Variants in CTCF observed in about 807,000 individuals in gnomAD.
CTCF encodes transcriptional repressor CTCF.
A neutral mutation model predicts 72.3 loss-of-function variants in CTCF; 7 were observed. The ratio of observed to expected loss-of-function variants is 0.10; its 90% CI spans 0.06 to 0.18. The LOEUF (loss-of-function observed/expected upper bound fraction) is 0.18, where lower values mean the gene tolerates loss of function less well. Among genes scored for constraint, CTCF ranks in the 10% least tolerant of loss-of-function variants. The pLI is 1.00. For missense variants in CTCF, 516 were observed against 949.1 expected (o/e 0.54, Z 6.00); for synonymous variants, 374 against 315.8 (o/e 1.18, Z -1.95).
chr16:67,604,782 T>G (rs1367907094), intron 2 of CTCF, among the ~76,000 whole-genome samples: 1 of 150,696 alleles, frequency 6.6e-6, no homozygotes, highest in African/African-American at 2.4e-5. Flanking sequence ...AATATGAATT[T>G]TTTTTACTTA....
chr16:67,586,418 T>C (rs570274201), intron 2 of CTCF, among the ~76,000 whole-genome samples: 85 of 151,938 alleles, frequency 5.6e-4, no homozygotes, highest in African/African-American at 2.0e-3. Flanking sequence ...GCGCCTGTAA[T>C]CCCAGCTACT....
intron 2 of CTCF, among the ~76,000 whole-genome samples, chr16:67,602,022 A>G (rs1185445852): frequency 9.9e-5 from 15 of 151,228 alleles, no homozygotes; most frequent in Admixed American, 9.9e-4. Context: ...TGCCACCACA[A>G]CTGGCTAATT....
intron 2 of CTCF, among the ~76,000 whole-genome samples, chr16:67,609,789 A>AT (rs1211208353): frequency 2.0e-5 from 3 of 151,608 alleles, no homozygotes; most frequent in Non-Finnish European, 2.9e-5. Context: ...CGCCCGGCTA[A>AT]TTTTTTTGTA....
chr16:67,635,425 C>G (rs2052416711), intron 10 of CTCF: 1 of 152,188 alleles, frequency 6.6e-6, no homozygotes, highest in South Asian at 2.1e-4. Context: ...CTTGCCCTCC[C>G]AAAGTGCTGG....
chr16:67,596,654 G>A (rs941382738), intron 2 of CTCF, among the ~76,000 whole-genome samples: 6 of 151,744 alleles, frequency 4.0e-5, no homozygotes, highest in Non-Finnish European at 7.4e-5. Flanking sequence ...GCACGATCTC[G>A]GCTCACTGCA....
chr16:67,610,672 C>T, intron 2 of CTCF, 152 bp from the exon 3 acceptor site: 1 of 467,026 alleles, frequency 2.1e-6, no homozygotes, highest in East Asian at 3.7e-5. Flanking sequence ...TTGTTTCTTT[C>T]ATCAAGAGGC....
chr16:67,619,652 C>T (rs1258717695), intron 5 of CTCF, among the ~76,000 whole-genome samples: 7 of 152,140 alleles, frequency 4.6e-5, no homozygotes, highest in African/African-American at 4.8e-5. Flanking sequence ...GTGATCATGG[C>T]TCACTGTAGC....
intron 10 of CTCF, among the ~76,000 whole-genome samples, chr16:67,631,999 C>T (rs368944726): frequency 6.7e-6 from 1 of 148,932 alleles, no homozygotes; most frequent in South Asian, 2.1e-4. Context: ...GGCTTGAGCC[C>T]AGTAGGTTGA....
chr16:67,636,065 C>T (rs1011831984), intron 10 of CTCF, among the ~76,000 whole-genome samples: 1 of 152,114 alleles, frequency 6.6e-6, no homozygotes, highest in Non-Finnish European at 1.5e-5. Flanking sequence ...AACCCCATCT[C>T]TACAAAAAAT....
intron 5 of CTCF, among the ~76,000 whole-genome samples, chr16:67,617,983 T>C (rs2052155076): frequency 6.6e-6 from 1 of 152,242 alleles, no homozygotes; most frequent in African/African-American, 2.4e-5. Flanking sequence ...ATTGCTGATG[T>C]ATATTACATT....
intron 1 of CTCF, among the ~76,000 whole-genome samples, chr16:67,565,484 C>G (rs989748651): frequency 2.0e-5 from 3 of 151,674 alleles, no homozygotes; most frequent in Non-Finnish European, 4.4e-5. Context: ...ACCATCCTGA[C>G]TAACACAGTG....
Position 67,638,899 on chromosome 16 carries a change from G to C in CTCF, c.*1027G>C, listed in dbSNP as rs1473238543. On this transcript the variant is annotated 3_prime_UTR_variant, in exon 12 of 12. Coordinates refer to ENST00000264010, the MANE Select transcript of CTCF (RefSeq NM_006565.4). Reference sequence around the variant, plus strand: ...CAAAACCAACTAAAAAGTGATTCTTGCACATGAACTGTCACATGTTTAAAA... The same window carrying C: ...CAAAACCAACTAAAAAGTGATTCTTCCACATGAACTGTCACATGTTTAAAA... The C allele has an allele frequency of 4.8e-6, 1 of 206,530 alleles. No individual in the cohort carries two copies. Among genetic ancestry groups the C allele is most frequent in the East Asian group, 7.4e-5 (1 of 13,540 alleles). 12.8% of individuals were successfully genotyped at this position (206,530 alleles called of 1,614,324 possible).
chr16:67,578,729 C>T (rs1233010080), intron 2 of CTCF, among the ~76,000 whole-genome samples: 1 of 151,330 alleles, frequency 6.6e-6, no homozygotes, highest in Non-Finnish European at 1.5e-5. Flanking sequence ...AGGCGGATCA[C>T]CTGAGGTCAG....
intron 2 of CTCF, among the ~76,000 whole-genome samples, chr16:67,576,550 GTTTTTTT>G (rs35771667): frequency 3.7e-5 from 4 of 108,268 alleles, no homozygotes; most frequent in South Asian, 3.0e-4. Flanking sequence ...ATAATAGAAT[GTTTTTTT>G]TTTTTTTTTT....
At chr16:67,591,679 T>G (rs1406968181) in intron 2 of CTCF, among the ~76,000 whole-genome samples, 1 of 152,148 alleles carries the variant, frequency 6.6e-6, no homozygotes, top group Non-Finnish European at 1.5e-5. Context: ...AAAAGTTACT[T>G]AGCTTTTCCT....
intron 2 of CTCF, among the ~76,000 whole-genome samples, chr16:67,578,545 C>T (rs2051534956): frequency 6.6e-6 from 1 of 150,384 alleles, no homozygotes; most frequent in South Asian, 2.2e-4. Context: ...GTTGGCCAGG[C>T]TGGTCTCGAA....
intron 5 of CTCF, among the ~76,000 whole-genome samples, chr16:67,619,202 G>C (rs1413446074): frequency 6.6e-6 from 1 of 152,220 alleles, no homozygotes. Flanking sequence ...TTGGGAAGCT[G>C]AGGCGGGTTG....
chr16:67,632,749 G>A (rs368516899), intron 10 of CTCF, among the ~76,000 whole-genome samples: 6 of 152,160 alleles, frequency 3.9e-5, no homozygotes, highest in East Asian at 3.8e-4. Context: ...AGCATCTCTC[G>A]TTCTTGACAC....
At chr16:67,623,444 C>G (rs1244347007) in intron 7 of CTCF, 1 of 149,942 alleles carries the variant, frequency 6.7e-6, no homozygotes, top group African/African-American at 2.5e-5. Context: ...AGTTCCGGAG[C>G]AGCCTGGGCA....
Sources: allele counts gnomAD v4.1 joint callset (sites outside exome capture counted in the v4.1 genomes callset), GRCh38; gene constraint gnomAD v4.1.1; transcripts MANE v1.5; gene names NCBI Gene and HGNC (gene_info 2026-07-23, HGNC 2026-07-21).